CYP27A1: variants seen among roughly 807,000 people sequenced by gnomAD.
CYP27A1 encodes the protein sterol 26-hydroxylase, mitochondrial.
CYP27A1 carries 46 observed loss-of-function variants against 58.2 expected under a neutral mutation model. The ratio of observed to expected loss-of-function variants is 0.79; its 90% CI spans 0.62 to 1.01. The LOEUF is 1.01. Ranked by LOEUF, CYP27A1 falls within the 50% of genes least tolerant of loss-of-function variation. The pLI is 0.00. For missense variants in CYP27A1, 704 were observed against 687.0 expected (o/e 1.02, Z -0.28); for synonymous variants, 274 against 285.1 (o/e 0.96, Z 0.39).
Position 218,814,702 on chromosome 2 carries a change from G to C in CYP27A1, c.1421G>C (p.Arg474Pro). 1 of 1,614,156 alleles carries C rather than the reference G, an allele frequency of 6.2e-7. No individual in the cohort carries two copies. Among genetic ancestry groups the C allele is most frequent in the East Asian group, 2.2e-5 (1 of 44,882 alleles). The change falls in exon 8 of 9, where the codon CGG (arginine) becomes CCG (proline). Residue 474 changes from arginine to proline, a missense_variant. Coordinates refer to ENST00000258415, the MANE Select transcript of CYP27A1 (RefSeq NM_000784.4). Reference protein sequence around the residue: ...FGSVPFGYGVRACLGRRIAEL... With the variant: ...FGSVPFGYGVPACLGRRIAEL... ...TCTGTGCCCTTTGGCTATGGGGTCC[G>C]GGCCTGCCTGGGCCGCAGGATTGCA... is the stretch of plus-strand genomic sequence containing the variant.
Position 218,815,204 on chromosome 2 carries a change from C to T in CYP27A1, c.*174C>T. On this transcript the variant is annotated 3_prime_UTR_variant, in exon 9 of 9. Coordinates refer to ENST00000258415, the MANE Select transcript of CYP27A1 (RefSeq NM_000784.4). Reference sequence around the variant, plus strand: ...TTTTGCCACTTCTATCATTTTTGAGCAACTCCCTCTCAGCTAAAAGGCCAC... The same window carrying T: ...TTTTGCCACTTCTATCATTTTTGAGTAACTCCCTCTCAGCTAAAAGGCCAC... 1 of 697,832 alleles carries T rather than the reference C, an allele frequency of 1.4e-6. No homozygotes were observed. The highest frequency in any genetic ancestry group is 2.5e-6 in the Non-Finnish European group (1 of 406,240). The allele number at this position is 697,832 out of a possible 1,614,324, so 43.2% of individuals were successfully genotyped here. A position where few individuals can be genotyped will look rare whatever the true frequency, so the allele number is the denominator to read the frequency against.
rs1943401601 is a variant in CYP27A1 at position 218,782,427 on chromosome 2, A to T, written c.245A>T (p.His82Leu). The change falls in exon 1 of 9, where the codon CAC becomes CTC. Residue 82 changes from histidine (H) to leucine (L), a missense_variant. Coordinates refer to ENST00000258415, the MANE Select transcript of CYP27A1 (RefSeq NM_000784.4). The surrounding 1 kb of genome is among the most constrained non-coding windows in gnomAD (Gnocchi z 4.1). ...GTTCAAGGCTATGCCCTGCAACTGC[A>T]CCAGTTACAGGTAACCCGCGGGGGC... ...LFVQGYALQL[H>L]QLQVLYKAKY... 2 of 1,614,206 alleles carry T rather than the reference A, an allele frequency of 1.2e-6. No homozygotes were observed. Among genetic ancestry groups the T allele is most frequent in the East Asian group, 4.5e-5 (2 of 44,884 alleles).
chr2:218,799,735 A>G (rs1029166519), intron 1 of CYP27A1, among the ~76,000 whole-genome samples: 2 of 151,796 alleles, frequency 1.3e-5, no homozygotes, highest in Admixed American at 6.6e-5. Context: ...ATCCTTATTA[A>G]TATATCCACA....
rs576054316 is a variant in CYP27A1 at position 218,807,265 on chromosome 2, G to A, written c.256-2312G>A. 7.0e-4 allele frequency among the ~76,000 whole-genome samples: 107 copies of A among 151,832 alleles called. 1 individual carries two copies. The highest frequency in any genetic ancestry group is 7.1e-4 in the Non-Finnish European group (48 of 67,922). On this transcript the variant is annotated intron_variant, in intron 1 of 8. Coordinates refer to ENST00000258415, the MANE Select transcript of CYP27A1 (RefSeq NM_000784.4). ...TGAGCCACTGTGCCCGGCCCTCCTA[G>A]GGAATTTAATAGAGGAAAATAGATG...
At chr2:218,786,762 AT>A (rs1397261344) in intron 1 of CYP27A1, among the ~76,000 whole-genome samples, 1 of 151,578 alleles carries the variant, frequency 6.6e-6, no homozygotes, top group Non-Finnish European at 1.5e-5. Context: ...CTAAGTACAT[AT>A]GTGTCATTTT....
intron 1 of CYP27A1, among the ~76,000 whole-genome samples, chr2:218,808,116 G>A (rs1029349832): frequency 9.9e-5 from 15 of 152,102 alleles, no homozygotes; most frequent in Non-Finnish European, 4.4e-5. Context: ...TCATTATGTG[G>A]ATATCTCATG....
intron 7 of CYP27A1, 27 bp from the exon 8 acceptor site, chr2:218,814,518 T>C (rs778132806): frequency 1.6e-5 from 26 of 1,613,584 alleles, no homozygotes; most frequent in Non-Finnish European, 2.2e-5. Context: ...AAGAGAGGCA[T>C]TCATGCTGCC....
At position 218,815,029 on chromosome 2, in the gene CYP27A1, G is replaced by A. The variant is rs150091721; in HGVS notation, c.1595G>A (p.Ter532=). 6.4e-5 allele frequency: 104 copies of A among 1,614,066 alleles called. No homozygotes were observed. The highest frequency in any genetic ancestry group is 8.3e-5 in the Non-Finnish European group (98 of 1,180,034). ...CTGCAGTTCCTGCAGAGACAGTGCTGAGCTGAGTCTCCGCCTTGCTGGGGC... is the reference window on the plus strand; with the variant it reads ...CTGCAGTTCCTGCAGAGACAGTGCTAAGCTGAGTCTCCGCCTTGCTGGGGC... ...VGLQFLQRQC[*] is the part of the protein sequence containing the mutation. Residue 532 remains the stop codon, a stop_retained_variant, in exon 9 of 9, where the codon TGA becomes TAA. Transcript: ENST00000258415.
Position 218,815,143 on chromosome 2 carries a change from G to A in CYP27A1, c.*113G>A, listed in dbSNP as rs886454812. On this transcript the variant is annotated 3_prime_UTR_variant, in exon 9 of 9. Coordinates refer to ENST00000258415, the MANE Select transcript of CYP27A1 (RefSeq NM_000784.4). ...GGGAGAGAAGGAGGCCGCCAGACTCGAGAGGTGGGAGGAACTCCTTGCACA... is the reference window on the plus strand; with the variant it reads ...GGGAGAGAAGGAGGCCGCCAGACTCAAGAGGTGGGAGGAACTCCTTGCACA... The A allele has an allele frequency of 4.6e-6, 6 of 1,307,944 alleles. No homozygotes were observed. Among genetic ancestry groups the A allele is most frequent in the Middle Eastern group, 4.8e-4 (2 of 4,202 alleles). The allele number at this position is 1,307,944 out of a possible 1,614,324, so 81.0% of individuals were successfully genotyped here. A position where few individuals can be genotyped will look rare whatever the true frequency, so the allele number is the denominator to read the frequency against.
intron 1 of CYP27A1, among the ~76,000 whole-genome samples, chr2:218,786,897 C>G (rs961028558): frequency 2.0e-5 from 3 of 151,938 alleles, no homozygotes; most frequent in African/African-American, 7.3e-5. Flanking sequence ...TGGGCTCCAG[C>G]TGTCCTCTCA....
At chr2:218,814,237 G>A (rs1439680333) in intron 6 of CYP27A1, 50 bp downstream of exon 6, 2 of 1,612,596 alleles carry the variant, frequency 1.2e-6, no homozygotes, top group Non-Finnish European at 1.7e-6. Context: ...TGTGGGGAGG[G>A]AATCAGAGGA....
chr2:218,815,180 T>C lies in CYP27A1; in HGVS notation c.*150T>C. On this transcript the variant is annotated 3_prime_UTR_variant, in exon 9 of 9. Transcript: ENST00000258415. ...GAACTCCTTGCACACACCCTGAGCT[T>C]TTGCCACTTCTATCATTTTTGAGCA... The C allele has an allele frequency of 1.1e-6, 1 of 871,162 alleles. No individual in the cohort carries two copies. The highest frequency in any genetic ancestry group is 1.5e-5 in the South Asian group (1 of 66,074). The allele number at this position is 871,162 out of a possible 1,614,324, so 54.0% of individuals were successfully genotyped here. A position where few individuals can be genotyped will look rare whatever the true frequency, so the allele number is the denominator to read the frequency against.
chr2:218,808,262 C>T (rs771437732), intron 1 of CYP27A1, among the ~76,000 whole-genome samples: 7 of 152,258 alleles, frequency 4.6e-5, no homozygotes, highest in East Asian at 3.9e-4. Context: ...AGTTTGCAGA[C>T]GATCAGCTGT....
At chr2:218,794,984 A>G (rs1943532985) in intron 1 of CYP27A1, among the ~76,000 whole-genome samples, 1 of 152,154 alleles carries the variant, frequency 6.6e-6, no homozygotes, top group Admixed American at 6.5e-5. Context: ...GAATCCTGAC[A>G]ACTGCGACAG....
chr2:218,782,303 A>G lies in CYP27A1; in HGVS notation c.121A>G (p.Thr41Ala). 1.9e-6 allele frequency: 3 copies of G among 1,607,414 alleles called. No homozygotes were observed. Among genetic ancestry groups the G allele is most frequent in the Non-Finnish European group, 2.5e-6 (3 of 1,176,798 alleles). Reference sequence around the variant, plus strand: ...TGCCGCCCTCCCCTCGGACAAGGCCACCGGAGCTCCCGGAGCCGGGCCTGG... The same window carrying G: ...TGCCGCCCTCCCCTCGGACAAGGCCGCCGGAGCTCCCGGAGCCGGGCCTGG... Reference protein sequence around the residue: ...IPAALPSDKATGAPGAGPGVR... With the variant: ...IPAALPSDKAAGAPGAGPGVR... Residue 41 changes from threonine (T) to alanine (A), a missense_variant, in exon 1 of 9, where the codon ACC (threonine) becomes GCC (alanine). Physicochemically the swap from Thr to Ala is moderately conservative, Grantham distance 58 (BLOSUM62 0). Transcript: ENST00000258415. The surrounding 1 kb of genome is among the most constrained non-coding windows in gnomAD (Gnocchi z 4.1).
At chr2:218,805,529 T>C (rs1386688920) in intron 1 of CYP27A1, among the ~76,000 whole-genome samples, 1 of 152,218 alleles carries the variant, frequency 6.6e-6, no homozygotes, top group Non-Finnish European at 1.5e-5. Context: ...AATCAAATTC[T>C]CAACTGTCTG....
rs961138173 is a variant in CYP27A1 at position 218,786,657 on chromosome 2, A to G, written c.255+4220A>G. 3.9e-5 allele frequency among the ~76,000 whole-genome samples: 6 copies of G among 152,108 alleles called. No homozygotes were observed. In the East Asian group the frequency reaches 1.2e-3, roughly 29 times the overall value. On this transcript the variant is annotated intron_variant, in intron 1 of 8. Transcript: ENST00000258415. The stretch of plus-strand genomic sequence containing the variant: ...GAGAATTATGAGATATCTATTCTGT[A>G]GCTCTTTTTGTGCACTGCCTGGCTT...
chr2:218,788,405 T>G (rs1943459223), intron 1 of CYP27A1, among the ~76,000 whole-genome samples: 1 of 152,208 alleles, frequency 6.6e-6, no homozygotes, highest in South Asian at 2.1e-4. Context: ...ACAGTATCAT[T>G]TCCACTGTAT....
In CYP27A1 at chr2:218,793,568, A is replaced by G. The variant is rs115233813; in HGVS notation, c.255+11131A>G. On this transcript the variant is annotated intron_variant, in intron 1 of 8. Transcript: ENST00000258415. Reference sequence around the variant, plus strand: ...TAACACTACAGAAAATTTTATCCAAAAGAGAAATATTTCACTTTTGTATTA... The same window carrying G: ...TAACACTACAGAAAATTTTATCCAAGAGAGAAATATTTCACTTTTGTATTA... Among the ~76,000 whole-genome samples the G allele has an allele frequency of 5.8e-3, 876 of 152,296 alleles. 8 individuals carry two copies. The highest frequency in any genetic ancestry group is 0.019 in the African/African-American group (798 of 41,554).
Sources: allele counts gnomAD v4.1 joint callset (sites outside exome capture counted in the v4.1 genomes callset), GRCh38; gene constraint gnomAD v4.1.1; non-coding constraint Gnocchi (gnomAD v3.1); transcripts MANE v1.5; gene names NCBI Gene and HGNC (gene_info 2026-07-23, HGNC 2026-07-21).